Variants in LOC128706666 observed in about 807,000 individuals in gnomAD.
chr20:10,424,780 G>C, the LOC128706666 span, among the ~76,000 whole-genome samples: 1 of 152,054 alleles, frequency 6.6e-6, no homozygotes, highest in South Asian at 2.1e-4. Flanking sequence ...AGCAGGGCAC[G>C]GTGGCTCATG....
At chr20:10,428,792 C>T in the LOC128706666 span, among the ~76,000 whole-genome samples, 9 of 152,076 alleles carry the variant, frequency 5.9e-5, no homozygotes, top group Non-Finnish European at 1.2e-4. Flanking sequence ...TACAGTGAGT[C>T]GAGATCGCGC....
the LOC128706666 span, among the ~76,000 whole-genome samples, chr20:10,429,968 C>G: frequency 6.6e-6 from 1 of 152,074 alleles, no homozygotes; most frequent in Non-Finnish European, 1.5e-5. Flanking sequence ...GTTTGAGACC[C>G]ACTGTTCTAG....
At chr20:10,420,553 C>T in the LOC128706666 span, 1 of 152,164 alleles carries the variant, frequency 6.6e-6, no homozygotes. Context: ...CTGCTACTTC[C>T]CCTGGATTTG....
the LOC128706666 span, among the ~76,000 whole-genome samples, chr20:10,421,757 CA>C: frequency 2.0e-5 from 3 of 151,558 alleles, no homozygotes; most frequent in Non-Finnish European, 4.4e-5. Context: ...CCTGGAGTTA[CA>C]AAGTTAGTTA....
At chr20:10,415,300 C>T in the LOC128706666 span, among the ~76,000 whole-genome samples, 1 of 152,084 alleles carries the variant, frequency 6.6e-6, no homozygotes, top group African/African-American at 2.4e-5. Context: ...TCTATTTAGC[C>T]TAAAGTACTT....
At chr20:10,416,766 T>C in the LOC128706666 span, among the ~76,000 whole-genome samples, 36 of 152,306 alleles carry the variant, frequency 2.4e-4, no homozygotes, top group Middle Eastern at 0.014. Context: ...AATAGTGCAT[T>C]AGACCCATAT....
chr20:10,428,315 G>C, the LOC128706666 span, among the ~76,000 whole-genome samples: 1 of 152,202 alleles, frequency 6.6e-6, no homozygotes, highest in Non-Finnish European at 1.5e-5. Context: ...GATTGTTCCA[G>C]ATCAGATACC....
the LOC128706666 span, among the ~76,000 whole-genome samples, chr20:10,427,546 T>G: frequency 2.0e-5 from 3 of 152,256 alleles, no homozygotes; most frequent in Non-Finnish European, 4.4e-5. Context: ...ATTCTTCATT[T>G]CTGAATTCTC....
At chr20:10,418,398 T>A in the LOC128706666 span, among the ~76,000 whole-genome samples, 9 of 152,214 alleles carry the variant, frequency 5.9e-5, no homozygotes, top group Non-Finnish European at 1.3e-4. Context: ...TTGAGGCATG[T>A]ATGTAATTTT....
At chr20:10,428,111 T>C in the LOC128706666 span, among the ~76,000 whole-genome samples, 1 of 152,232 alleles carries the variant, frequency 6.6e-6, no homozygotes, top group African/African-American at 2.4e-5. Context: ...CAGTCTCAAA[T>C]ATTAAGCAAG....
At chr20:10,433,089 C>T in the LOC128706666 span, among the ~76,000 whole-genome samples, 3 of 152,220 alleles carry the variant, frequency 2.0e-5, no homozygotes, top group African/African-American at 7.2e-5. Flanking sequence ...CCGCAACCTC[C>T]GCCTCCAGGG....
chr20:10,420,159 T>C, the LOC128706666 span, among the ~76,000 whole-genome samples: 12 of 152,262 alleles, frequency 7.9e-5, no homozygotes, highest in Admixed American at 6.5e-4. Context: ...ATGAATACAA[T>C]TAGTTTTGTA....
the LOC128706666 span, among the ~76,000 whole-genome samples, chr20:10,426,718 T>C: frequency 1.3e-5 from 2 of 152,212 alleles, no homozygotes; most frequent in African/African-American, 4.8e-5. Flanking sequence ...TGGCTGATTT[T>C]CATGTCAGGT....
the LOC128706666 span, among the ~76,000 whole-genome samples, chr20:10,424,629 C>T: frequency 1.3e-5 from 2 of 151,936 alleles, no homozygotes; most frequent in Non-Finnish European, 2.9e-5. Context: ...TGGTAGTTAG[C>T]GAGGTAATGT....
the LOC128706666 span, chr20:10,413,941 A>T: frequency 2.5e-6 from 1 of 405,692 alleles, no homozygotes; most frequent in Non-Finnish European, 4.3e-6. Context: ...CCTAATAAAT[A>T]ATAAAAAAAA....
chr20:10,421,281 G>A, the LOC128706666 span, among the ~76,000 whole-genome samples: 2 of 141,344 alleles, frequency 1.4e-5, no homozygotes, highest in Non-Finnish European at 3.1e-5. Flanking sequence ...AGTATTAGTC[G>A]GATATGGTGG....
the LOC128706666 span, among the ~76,000 whole-genome samples, chr20:10,417,829 C>T: frequency 9.3e-3 from 1,411 of 151,600 alleles, 19 homozygotes; most frequent in Middle Eastern, 0.041. Flanking sequence ...GATATAATTA[C>T]GAGATTACAG....
chr20:10,421,349 G>C, the LOC128706666 span, among the ~76,000 whole-genome samples: 2,626 of 151,190 alleles, frequency 0.017, 83 homozygotes, highest in African/African-American at 0.059. Context: ...GCTTGAACTT[G>C]GGAGGTGGAG....
the LOC128706666 span, among the ~76,000 whole-genome samples, chr20:10,421,543 G>A: frequency 6.6e-6 from 1 of 152,032 alleles, no homozygotes; most frequent in East Asian, 1.9e-4. Flanking sequence ...TGTTTCAACT[G>A]CGATTGCAAC....
Sources: allele counts gnomAD v4.1 joint callset (sites outside exome capture counted in the v4.1 genomes callset), GRCh38; gene constraint gnomAD v4.1.1; transcripts MANE v1.5.